MADD: variants seen among roughly 807,000 people sequenced by gnomAD.
MADD encodes MAP kinase activating death domain, also known as MAP kinase-activating death domain protein.
Under a neutral mutation model 176.7 loss-of-function variants are expected in MADD, and 109 were observed. The ratio of observed to expected loss-of-function variants is 0.62; its 90% confidence interval spans 0.53 to 0.72. The LOEUF (loss-of-function observed/expected upper bound fraction) is 0.72, where lower values mean the gene tolerates loss of function less well. Among genes scored for constraint, MADD ranks in the 30% least tolerant of loss-of-function variants. MADD has a pLI of 0.00. For missense variants in MADD, 1,914 were observed against 2,045.5 expected, an observed-to-expected ratio of 0.94 and a Z score of 1.24; for synonymous variants, 771 against 771.3, an observed-to-expected ratio of 1.00 and a Z score of 0.01.
intron 31 of MADD, 138 bp downstream of exon 35, chr11:47,326,945 A>G (rs2095512009): frequency 2.1e-6 from 3 of 1,454,600 alleles, no homozygotes; most frequent in East Asian, 2.4e-5. Flanking sequence ...GACAAGGAAG[A>G]AAAGGGACCC....
intron 19 of MADD, 29 bp downstream of exon 20, chr11:47,290,845 AG>A (rs1271755800): frequency 1.3e-6 from 2 of 1,557,036 alleles, no homozygotes; most frequent in South Asian, 2.2e-5. Flanking sequence ...GGTGTGGTGG[AG>A]GGGTCCTGGC....
intron 28 of MADD, 128 bp downstream of exon 31, chr11:47,323,963 G>A: frequency 1.9e-6 from 2 of 1,075,748 alleles, no homozygotes; most frequent in Non-Finnish European, 2.7e-6. Context: ...CTGTTGGGTG[G>A]AGTACCTAAA....
chr11:47,282,969 G>A, exon 10 of MADD: 5 of 1,613,198 alleles, frequency 3.1e-6, no homozygotes, highest in Non-Finnish European at 4.2e-6. Flanking sequence ...ACTGATGATA[G>A]GTGAGCATCC....
chr11:47,273,716 A>G, intron 1 of MADD, 111 bp from the exon 2 acceptor site: 1 of 523,638 alleles, frequency 1.9e-6, no homozygotes, highest in Non-Finnish European at 3.5e-6. Flanking sequence ...TCCTATCATT[A>G]GTATGAAAGT....
At chr11:47,309,224 G>A in intron 23 of MADD, 57 bp from the exon 27 acceptor site, 1 of 1,580,896 alleles carries the variant, frequency 6.3e-7, no homozygotes, top group Non-Finnish European at 8.6e-7. Context: ...ATTTTTGTTT[G>A]GCAGCTATAT....
At chr11:47,290,564 ATT>A in intron 18 of MADD, 44 bp from the exon 20 acceptor site, 1 of 1,573,090 alleles carries the variant, frequency 6.4e-7, no homozygotes, top group Non-Finnish European at 8.7e-7. Context: ...CTGCGCCTTG[ATT>A]CCTACTCACT....
At chr11:47,285,583 T>C (rs2060014252) in exon 14 of MADD, 5 of 1,614,114 alleles carry the variant, frequency 3.1e-6, no homozygotes, top group Non-Finnish European at 4.2e-6. Context: ...GCATCATGTC[T>C]TTTGCCAGTA....
intron 6 of MADD, 102 bp from the exon 7 acceptor site, chr11:47,278,897 T>C: frequency 1.1e-6 from 1 of 889,588 alleles, no homozygotes; most frequent in Non-Finnish European, 1.8e-6. Flanking sequence ...TATTCGTTTA[T>C]ATAATAATAA....
intron 22 of MADD, among the ~76,000 whole-genome samples, chr11:47,301,602 A>G (rs1453768875): frequency 6.6e-6 from 1 of 152,128 alleles, no homozygotes; most frequent in Non-Finnish European, 1.5e-5. Context: ...CTTTTGGTGT[A>G]TCCCATAGGT....
rs754468222 is a variant in MADD at position 47,324,358 on chromosome 11, G to A, written c.4435+21G>A. ...ACCCGGTGAGGAGAGTTTTTCCTGA[G>A]AGTGTCTTCCCTGTTTCTACCAGTC... On this transcript the variant is annotated intron_variant, in intron 29 of 32. Transcript: ENST00000402192. 4.3e-6 allele frequency: 7 copies of A among 1,613,804 alleles called. No homozygotes were observed. The South Asian group carries it at 4.4e-5, about 10-fold the overall frequency.
In MADD at chr11:47,295,299, A is replaced by G. The variant is rs960339093; in HGVS notation, c.3403-197A>G. 2.6e-5 allele frequency among the ~76,000 whole-genome samples: 4 copies of G among 152,208 alleles called. No individual in the cohort carries two copies. In the South Asian group the frequency reaches 6.2e-4, roughly 24 times the overall value. On this transcript the variant is annotated intron_variant, in intron 20 of 32. Coordinates refer to ENST00000402192, the Ensembl canonical transcript of MADD. ...AGTGCTAGGACTACAGGCGTGAGCC[A>G]CTGTGCCCGGCCTATTTCTTTTTTT...
rs1428607705 is a variant in MADD at position 47,326,547 on chromosome 11, C to T, written c.4543-191C>T. 6 of 1,380,510 alleles carry T rather than the reference C, an allele frequency of 4.3e-6. No homozygotes were observed. The Admixed American group carries it at 9.0e-5, about 21-fold the overall frequency. 85.5% of individuals were successfully genotyped at this position (1,380,510 alleles called of 1,614,324 possible). On this transcript the variant is annotated intron_variant, in intron 30 of 32. Coordinates refer to ENST00000402192, the Ensembl canonical transcript of MADD. ...CCATGCTTTCTCCTCCGGCCAGGAG[C>T]GGAAGGTACATGCCCTTTCTGCTAT...
intron 22 of MADD, among the ~76,000 whole-genome samples, chr11:47,298,618 C>T (rs930810491): frequency 1.6e-4 from 25 of 152,176 alleles, no homozygotes; most frequent in African/African-American, 2.4e-5. Flanking sequence ...AATATTTTCT[C>T]CCATTCTGCA....
chr11:47,325,025 G>T lies in MADD; in HGVS notation c.4542+448G>T. On this transcript the variant is annotated intron_variant, in intron 30 of 32. Transcript: ENST00000402192. This position sits in a 1 kb window ranked among gnomAD's most constrained non-coding sequence, Gnocchi z 4.5. ...CGTGTGCGTGCGTGCGTGCCTGCGT[G>T]CTTGTGTGTAAGTAGCTTGTATCTG... 1 of 518,672 alleles carries T rather than the reference G, an allele frequency of 1.9e-6. No homozygotes were observed. The highest frequency in any genetic ancestry group is 3.5e-6 in the Non-Finnish European group (1 of 288,692). 32.1% of individuals were successfully genotyped at this position (518,672 alleles called of 1,614,324 possible).
intron 8 of MADD, among the ~76,000 whole-genome samples, chr11:47,282,135 C>T (rs1441343348): frequency 2.0e-5 from 3 of 152,056 alleles, no homozygotes; most frequent in Non-Finnish European, 4.4e-5. Context: ...GCACCCAGCC[C>T]AGGGTTTCTT....
chr11:47,269,777 TG>T (rs1489130740), upstream of MADD: 1 of 147,808 alleles, frequency 6.8e-6, no homozygotes, highest in Non-Finnish European at 1.5e-5. Flanking sequence ...GACTGGGGGA[TG>T]GGGAGCCCGT....
chr11:47,312,666 C>A (rs1337852437), intron 26 of MADD, among the ~76,000 whole-genome samples: 1 of 152,158 alleles, frequency 6.6e-6, no homozygotes, highest in East Asian at 1.9e-4. Context: ...GAACTCCTGA[C>A]CTCAAGTGAT....
Position 47,282,343 on chromosome 11 carries a change from C to G in MADD, c.1470-38C>G, listed in dbSNP as rs539527918. The G allele has an allele frequency of 1.9e-6, 3 of 1,565,460 alleles. No individual in the cohort carries two copies. In the South Asian group the frequency reaches 3.3e-5, roughly 17 times the overall value. ...ACTTTGGATCATGGGAATCCTTACCCTATGGGTCTCAGATTATCTCATCAT... is the reference window on the plus strand; with the variant it reads ...ACTTTGGATCATGGGAATCCTTACCGTATGGGTCTCAGATTATCTCATCAT... On this transcript the variant is annotated intron_variant, in intron 8 of 32. Transcript: ENST00000402192.
intron 27 of MADD, among the ~76,000 whole-genome samples, chr11:47,315,711 G>C (rs1329250748): frequency 1.3e-5 from 2 of 151,978 alleles, no homozygotes; most frequent in Admixed American, 1.3e-4. Context: ...CTGACCTCAA[G>C]TAATCCACCC....
Sources: allele counts gnomAD v4.1 joint callset (sites outside exome capture counted in the v4.1 genomes callset), GRCh38; gene constraint gnomAD v4.1.1; non-coding constraint Gnocchi (gnomAD v3.1); transcripts MANE v1.5; gene names NCBI Gene and HGNC (gene_info 2026-07-23, HGNC 2026-07-21).